The following CNTNAP3B variants were observed in gnomAD, a reference collection of about 807,000 sequenced individuals.
The protein encoded by CNTNAP3B is contactin associated protein family member 3B, also known as contactin-associated protein-like 3B.
Under a neutral mutation model 108.9 loss-of-function variants are expected in CNTNAP3B, and 25 were observed. The observed-to-expected ratio is 0.23, with a 90% CI of 0.17 to 0.32. The LOEUF is 0.32. CNTNAP3B is among the 10% of genes least tolerant of loss of function. The pLI is 1.00. For missense variants in CNTNAP3B, 252 were observed against 1,210.4 expected, an observed-to-expected ratio of 0.21 and a Z score of 11.75; for synonymous variants, 103 against 473.4, an observed-to-expected ratio of 0.22 and a Z score of 10.16.
intron 13 of CNTNAP3B, among the ~76,000 whole-genome samples, chr9:41,944,926 A>C (rs1824479694): frequency 6.6e-6 from 1 of 152,216 alleles, no homozygotes; most frequent in Admixed American, 6.5e-5. Context: ...TTTACAAGAA[A>C]AAATCAACCT....
intron 3 of CNTNAP3B, among the ~76,000 whole-genome samples, chr9:42,041,897 A>T (rs1445860958): frequency 4.1e-5 from 6 of 144,912 alleles, no homozygotes; most frequent in Non-Finnish European, 3.0e-5. Flanking sequence ...CATGGAATAC[A>T]ATGCAGCCAT....
At chr9:41,953,417 A>C (rs754239162) in intron 12 of CNTNAP3B, 31 bp from the exon 13 acceptor site, 1 of 1,524,342 alleles carries the variant, frequency 6.6e-7, no homozygotes, top group South Asian at 1.2e-5. Flanking sequence ...GAGAGGCATC[A>C]CTGGGCGGCA....
rs1220280783 is a variant in CNTNAP3B, at chr9:42,120,820, C to G, written c.85+8190G>C. 2.6e-5 allele frequency among the ~76,000 whole-genome samples: 2 copies of G among 76,860 alleles called. 1 individual carries two copies. The highest frequency in any genetic ancestry group is 1.3e-4 in the African/African-American group (2 of 15,152). The allele number at this position is 76,860 out of a possible 152,430, so 50.4% of individuals were successfully genotyped here. On this transcript the variant is annotated intron_variant, in intron 1 of 23. Transcript: ENST00000377561. Reference sequence around the variant, plus strand: ...GGGAACACTACACAACGGGGACTGTCGCGGGGTGGGGGGAGGGGGGAGGGA... The same window carrying G: ...GGGAACACTACACAACGGGGACTGTGGCGGGGTGGGGGGAGGGGGGAGGGA...
intron 10 of CNTNAP3B, among the ~76,000 whole-genome samples, chr9:41,965,880 G>A (rs1463529977): frequency 3.2e-4 from 49 of 151,390 alleles, no homozygotes; most frequent in Admixed American, 5.9e-4. Flanking sequence ...GGAAGAATCC[G>A]CAGCATTCCC....
At chr9:42,103,321 T>C (rs1395720151) in intron 2 of CNTNAP3B, among the ~76,000 whole-genome samples, 1 of 148,702 alleles carries the variant, frequency 6.7e-6, no homozygotes, top group Non-Finnish European at 1.5e-5. Flanking sequence ...ATAGCCATAC[T>C]GCCTATAACA....
chr9:41,931,711 T>G (rs1823983216), intron 14 of CNTNAP3B, among the ~76,000 whole-genome samples: 1 of 150,302 alleles, frequency 6.7e-6, no homozygotes, highest in Admixed American at 6.6e-5. Flanking sequence ...AAGCTAGAAA[T>G]ATGTCTCCTG....
chr9:42,096,565 G>T (rs916691705), intron 2 of CNTNAP3B, among the ~76,000 whole-genome samples: 1 of 132,720 alleles, frequency 7.5e-6, no homozygotes, highest in Non-Finnish European at 1.6e-5. Context: ...AAAAATTTCA[G>T]TGAGCTTGGA....
intron 13 of CNTNAP3B, among the ~76,000 whole-genome samples, chr9:41,952,011 G>A (rs1824702121): frequency 6.6e-6 from 1 of 152,252 alleles, no homozygotes; most frequent in Non-Finnish European, 1.5e-5. Context: ...CGGGAGGGGA[G>A]CGGGTTGCAG....
At chr9:42,031,015 G>A (rs1233754613) in intron 3 of CNTNAP3B, among the ~76,000 whole-genome samples, 1 of 104,008 alleles carries the variant, frequency 9.6e-6, no homozygotes, top group East Asian at 4.2e-4. Flanking sequence ...GCAAAATGAA[G>A]TAATTCTCTC....
chr9:41,947,480 A>C (rs1824560613), intron 13 of CNTNAP3B, among the ~76,000 whole-genome samples: 2 of 152,222 alleles, frequency 1.3e-5, no homozygotes, highest in Non-Finnish European at 2.9e-5. Flanking sequence ...ATGAAACTAC[A>C]TGAAAAACTA....
At chr9:42,071,301 G>A (rs1254379715) in intron 3 of CNTNAP3B, among the ~76,000 whole-genome samples, 2 of 146,000 alleles carry the variant, frequency 1.4e-5, no homozygotes, top group Non-Finnish European at 3.0e-5. Flanking sequence ...CTATCAGGAA[G>A]AGATAATTTA....
At chr9:41,943,672 C>T (rs550039127) in intron 13 of CNTNAP3B, among the ~76,000 whole-genome samples, 10 of 147,740 alleles carry the variant, frequency 6.8e-5, no homozygotes, top group Admixed American at 2.0e-4. Context: ...TAAATTCAAA[C>T]GGTGTAACCT....
intron 13 of CNTNAP3B, among the ~76,000 whole-genome samples, chr9:41,942,324 A>C (rs1824376086): frequency 6.6e-6 from 1 of 152,008 alleles, no homozygotes; most frequent in Non-Finnish European, 1.5e-5. Flanking sequence ...AAATACAAAA[A>C]ATTGGGTCGG....
intron 3 of CNTNAP3B, among the ~76,000 whole-genome samples, chr9:42,061,326 T>C (rs60796855): frequency 0.25 from 27,532 of 111,838 alleles, 474 homozygotes; most frequent in East Asian, 0.37. Flanking sequence ...TCTTTTTTTT[T>C]TTTTTTTTTT....
In CNTNAP3B at chr9:42,073,045, G is replaced by T. The variant is rs1165829494; in HGVS notation, c.390+3824C>A. Among the ~76,000 whole-genome samples, 29 of 139,600 alleles carry T rather than the reference G, an allele frequency of 2.1e-4. 4 individuals are homozygous for T. 91.6% of individuals were successfully genotyped at this position (139,600 alleles called of 152,430 possible). A position where few individuals can be genotyped will look rare whatever the true frequency, so the allele number is the denominator to read the frequency against. On this transcript the variant is annotated intron_variant, in intron 3 of 23. Transcript: ENST00000377561. ...GCTAAATAAATTTGGGTCTGCTTAG[G>T]GTTCACCATTTTAATAATTTTGCTT...
intron 2 of CNTNAP3B, among the ~76,000 whole-genome samples, chr9:42,085,944 A>G (rs1406936902): frequency 4.8e-5 from 7 of 144,898 alleles, no homozygotes; most frequent in African/African-American, 1.9e-4. Flanking sequence ...CATTGTGGTT[A>G]TCCATTCAGT....
chr9:42,002,922 C>T (rs1314415364), intron 4 of CNTNAP3B, among the ~76,000 whole-genome samples: 2 of 128,554 alleles, frequency 1.6e-5, no homozygotes, highest in African/African-American at 3.1e-5. Flanking sequence ...AGACTCACTC[C>T]GTTGCCCATG....
chr9:41,966,094 G>A (rs1825264473), intron 10 of CNTNAP3B, among the ~76,000 whole-genome samples: 1 of 152,274 alleles, frequency 6.6e-6, no homozygotes, highest in Non-Finnish European at 1.5e-5. Flanking sequence ...CAGAAGAGGG[G>A]GAGCTGGAGC....
At chr9:42,055,172 C>T (rs1222457404) in intron 3 of CNTNAP3B, among the ~76,000 whole-genome samples, 1 of 139,274 alleles carries the variant, frequency 7.2e-6, no homozygotes, top group Non-Finnish European at 1.5e-5. Context: ...ATACGATTCA[C>T]ATAGTTCAAA....
Sources: allele counts gnomAD v4.1 joint callset (sites outside exome capture counted in the v4.1 genomes callset), GRCh38; gene constraint gnomAD v4.1.1; transcripts MANE v1.5; gene names NCBI Gene and HGNC (gene_info 2026-07-23, HGNC 2026-07-21).